CAPN13: variants seen among roughly 807,000 people sequenced by gnomAD.
CAPN13 encodes the protein calpain-13.
Under a neutral mutation model 98.4 loss-of-function variants are expected in CAPN13, and 90 were observed. That is an observed-to-expected ratio of 0.92 (90% CI 0.77 to 1.09). CAPN13 has a LOEUF of 1.09. CAPN13 is among the 50% of genes least tolerant of loss of function. The pLI, the probability that CAPN13 is intolerant of heterozygous loss-of-function variation, is 0.00. For synonymous variants in CAPN13, 330 were observed against 305.5 expected, an observed-to-expected ratio of 1.08 and a Z score of -0.84; for missense variants, 887 against 841.3, an observed-to-expected ratio of 1.05 and a Z score of -0.67.
At chr2:30,772,984 C>A (rs765791429) in intron 4 of CAPN13, among the ~76,000 whole-genome samples, 3 of 152,150 alleles carry the variant, frequency 2.0e-5, no homozygotes, top group Non-Finnish European at 4.4e-5. Context: ...CGCCACCACG[C>A]CCAGTTAATT....
intron 1 of CAPN13, among the ~76,000 whole-genome samples, chr2:30,794,223 C>T (rs146195863): frequency 9.0e-4 from 137 of 151,816 alleles, no homozygotes; most frequent in African/African-American, 3.2e-3. Flanking sequence ...AAAAAACCCA[C>T]TAAAATGGCC....
chr2:30,732,338 G>GGTGGGGT (rs1221602011), intron 20 of CAPN13, 100 bp downstream of exon 20: 4 of 1,481,644 alleles, frequency 2.7e-6, no homozygotes, highest in Non-Finnish European at 3.7e-6. Context: ...CTGCTGCTGA[G>GGTGGGGT]GCCTCACGCA....
intron 1 of CAPN13, among the ~76,000 whole-genome samples, chr2:30,787,888 A>G (rs1006390064): frequency 6.6e-6 from 1 of 152,132 alleles, no homozygotes; most frequent in Non-Finnish European, 1.5e-5. Context: ...GGGCATGATC[A>G]GATCTGTACA....
intron 2 of CAPN13, among the ~76,000 whole-genome samples, chr2:30,786,337 G>A (rs997592856): frequency 1.7e-4 from 26 of 152,130 alleles, no homozygotes; most frequent in African/African-American, 6.0e-4. Context: ...TAGAGGTTTG[G>A]GCAAAAGGGT....
chr2:30,754,507 A>T, intron 8 of CAPN13, 143 bp from the exon 9 acceptor site: 1 of 578,684 alleles, frequency 1.7e-6, no homozygotes, highest in Non-Finnish European at 2.9e-6. Context: ...GACAGGACCC[A>T]GTTATTCTCT....
At chr2:30,786,907 T>C (rs942116061) in intron 2 of CAPN13, among the ~76,000 whole-genome samples, 2 of 152,192 alleles carry the variant, frequency 1.3e-5, no homozygotes, top group East Asian at 1.9e-4. Flanking sequence ...AGTGGTGTAC[T>C]TAGTGTTAGA....
chr2:30,804,095 A>G (rs1010301535), intron 1 of CAPN13, among the ~76,000 whole-genome samples: 1 of 152,332 alleles, frequency 6.6e-6, no homozygotes, highest in African/African-American at 2.4e-5. Context: ...AGGAATCAAG[A>G]CAAAAGAGAC....
chr2:30,733,634 G>A (rs1181223928), intron 19 of CAPN13, among the ~76,000 whole-genome samples: 1 of 152,038 alleles, frequency 6.6e-6, no homozygotes. Flanking sequence ...GCCCTGAAGA[G>A]TCCCAGTTCC....
intron 1 of CAPN13, among the ~76,000 whole-genome samples, chr2:30,806,567 T>C (rs1675642699): frequency 1.3e-5 from 2 of 152,178 alleles, no homozygotes; most frequent in Non-Finnish European, 2.9e-5. Flanking sequence ...CAGTCAGTAG[T>C]TCATGACCCA....
intron 5 of CAPN13, among the ~76,000 whole-genome samples, chr2:30,768,144 G>A (rs1032648959): frequency 6.6e-6 from 1 of 152,158 alleles, no homozygotes; most frequent in African/African-American, 2.4e-5. Flanking sequence ...CCTTCTGAGG[G>A]CAAGTGTCCC....
rs368618651 is a variant in CAPN13, at chr2:30,736,519, C to T, written c.1706G>A (p.Arg569His). 1.4e-4 allele frequency: 219 copies of T among 1,614,006 alleles called. No homozygotes were observed. The highest frequency in any genetic ancestry group is 1.0e-3 in the Admixed American group (60 of 60,032). ...TGCCCGTACCTGGTAGTGAACAAGG[C>T]GCTTCCACAGTCGCGCAAACTCCTC... is the stretch of plus-strand genomic sequence containing the variant. Reference protein sequence around the residue: ...DQEEFARLWKRLVHYQHVFQK... With the variant: ...DQEEFARLWKHLVHYQHVFQK... The change falls in exon 18 of 23, where the codon CGC (arginine) becomes CAC (histidine). Residue 569 changes from arginine to histidine, a missense_variant. Physicochemically the swap from Arg to His is conservative, Grantham distance 29 (BLOSUM62 0). Transcript: ENST00000295055.
intron 3 of CAPN13, among the ~76,000 whole-genome samples, 173 bp from the exon 4 acceptor site, chr2:30,776,218 A>G (rs895084828): frequency 6.6e-6 from 1 of 152,084 alleles, no homozygotes; most frequent in Admixed American, 6.5e-5. Flanking sequence ...GGCTCCAAGC[A>G]AGATAAAGAA....
chr2:30,738,547 C>T (rs1185982710), intron 15 of CAPN13, 90 bp from the exon 16 acceptor site: 3 of 1,357,362 alleles, frequency 2.2e-6, no homozygotes, highest in Admixed American at 2.0e-5. Flanking sequence ...ACTCAGATTT[C>T]CAAGCACTTA....
chr2:30,737,190 T>G (rs1457546812), intron 17 of CAPN13: 2 of 152,524 alleles, frequency 1.3e-5, no homozygotes, highest in African/African-American at 4.8e-5. Flanking sequence ...GAGGACCATT[T>G]GGATTCCTCT....
chr2:30,731,329 G>C lies in CAPN13; in HGVS notation c.1983+15C>G, dbSNP rs1294097518. ...CTGGGACTGTGCCTGCCCCGGGGAG[G>C]GGAAGGTACCTCACCTCCATTTCTG... On this transcript the variant is annotated intron_variant, in intron 21 of 22. Transcript: ENST00000295055. The C allele has an allele frequency of 6.2e-7, 1 of 1,606,042 alleles. No homozygotes were observed. The highest frequency in any genetic ancestry group is 2.3e-5 in the East Asian group (1 of 44,384).
At position 30,741,703 on chromosome 2, in the gene CAPN13, G is replaced by A. The variant is rs555255593; in HGVS notation, c.1536+205C>T. Reference sequence around the variant, plus strand: ...TCTGCATTCCAGCTTGAAGTCCCCCGGATGACACTGGGTGGGGCGCCACGT... The same window carrying A: ...TCTGCATTCCAGCTTGAAGTCCCCCAGATGACACTGGGTGGGGCGCCACGT... On this transcript the variant is annotated intron_variant, in intron 15 of 22. Coordinates refer to ENST00000295055, the MANE Select transcript of CAPN13 (RefSeq NM_144575.3). 1.4e-5 allele frequency: 20 copies of A among 1,416,562 alleles called. No individual in the cohort carries two copies. In the African/African-American group the frequency reaches 1.6e-4, roughly 11 times the overall value. The allele number at this position is 1,416,562 out of a possible 1,614,324, so 87.7% of individuals were successfully genotyped here.
Position 30,743,456 on chromosome 2 carries a change from C to T in CAPN13, c.1372G>A (p.Val458Met), listed in dbSNP as rs755312743. 4.3e-6 allele frequency: 7 copies of T among 1,613,982 alleles called. No homozygotes were observed. In the Admixed American group the frequency reaches 1.2e-4, roughly 27 times the overall value. ...GATTTTCTCCGTGTCTGTGCAACCA[C>T]AACATAGTTCCCAGGGCTCAGATGG... is the stretch of plus-strand genomic sequence containing the variant. ...TYHLSPGNYV[V>M]VAQTRRKSAE... Residue 458 changes from valine (V) to methionine (M), a missense_variant, in exon 13 of 23, where the codon GTG (valine) becomes ATG (methionine). Val to Met is a conservative substitution (Grantham distance 21). Coordinates refer to ENST00000295055, the MANE Select transcript of CAPN13 (RefSeq NM_144575.3).
chr2:30,767,945 C>T (rs1327010940), intron 5 of CAPN13, among the ~76,000 whole-genome samples: 4 of 152,172 alleles, frequency 2.6e-5, no homozygotes, highest in South Asian at 4.1e-4. Flanking sequence ...ACTACGTGCA[C>T]CTGCCATCTC....
chr2:30,768,123 C>T (rs144399018), intron 5 of CAPN13, among the ~76,000 whole-genome samples: 302 of 152,368 alleles, frequency 2.0e-3, no homozygotes, highest in African/African-American at 6.9e-3. Context: ...GTGCCTGCCT[C>T]ACACACAGCC....
Sources: gnomAD v4.1 joint callset for allele counts (sites outside exome capture counted in the v4.1 genomes callset) on GRCh38, gnomAD v4.1.1 for gene constraint, MANE v1.5 for transcripts, NCBI Gene and HGNC (gene_info 2026-07-23, HGNC 2026-07-21) for gene names.